NEXMIF: variants seen among roughly 807,000 people sequenced by gnomAD.
The protein encoded by NEXMIF is XLMR protein related to neurite extension.
Under a neutral mutation model 62.1 loss-of-function variants are expected in NEXMIF, and 8 were observed. That is an observed-to-expected ratio of 0.13 (90% CI 0.08 to 0.23). The LOEUF is 0.23. NEXMIF is among the 10% of genes least tolerant of loss of function. The pLI, the probability that NEXMIF is intolerant of heterozygous loss-of-function variation, is 1.00. For missense variants in NEXMIF, 976 were observed against 1,113.3 expected, an observed-to-expected ratio of 0.88 and a Z score of 1.75; for synonymous variants, 404 against 416.6, an observed-to-expected ratio of 0.97 and a Z score of 0.37.
intron 1 of NEXMIF, among the ~76,000 whole-genome samples, chrX:74,818,498 A>G (rs1211690339): frequency 8.9e-6 from 1 of 112,082 alleles, no homozygotes; most frequent in Non-Finnish European, 1.9e-5. Context: ...ACTTAAATGT[A>G]AATCCTAAAA....
chrX:74,872,241 G>A (rs2080604411), intron 1 of NEXMIF, among the ~76,000 whole-genome samples: 1 of 111,159 alleles, frequency 9.0e-6, no homozygotes, highest in Admixed American at 9.7e-5. Context: ...GTGCTACTGG[G>A]CCATAAAAAG....
At chrX:74,895,034 T>C (rs2080728695) in intron 1 of NEXMIF, among the ~76,000 whole-genome samples, 1 of 112,425 alleles carries the variant, frequency 8.9e-6, no homozygotes, top group Admixed American at 9.4e-5. Context: ...AGAAGTCAAA[T>C]TATCCTTGTT....
At chrX:74,902,514 C>A (rs1030673562) in intron 1 of NEXMIF, among the ~76,000 whole-genome samples, 2 of 110,835 alleles carry the variant, frequency 1.8e-5, no homozygotes, top group Non-Finnish European at 3.8e-5. Context: ...GGGGAGGGTA[C>A]AAAAAGACTG....
chrX:74,744,450 T>C lies in NEXMIF; in HGVS notation c.107A>G (p.Lys36Arg), dbSNP rs1029431431. 1 of 1,201,410 alleles carries C rather than the reference T, an allele frequency of 8.3e-7. No individual in the cohort carries two copies. Residue 36 changes from lysine (K) to arginine (R), a missense_variant, in exon 3 of 4, where the codon AAG (lysine) becomes AGG (arginine). Transcript: ENST00000055682. The stretch of plus-strand genomic sequence containing the variant: ...AGCAGCTTCTAGAGCTGCAAATGAC[T>C]TCATTGCCACATCCTGGTCCTCTGA... ...NDSEDQDVAM[K>R]SFAALEAAAP...
At chrX:74,884,866 C>A (rs917574032) in intron 1 of NEXMIF, among the ~76,000 whole-genome samples, 4 of 111,735 alleles carry the variant, frequency 3.6e-5, no homozygotes, top group Non-Finnish European at 5.6e-5. Flanking sequence ...CCACACCACA[C>A]CTATTCCAAA....
intron 1 of NEXMIF, among the ~76,000 whole-genome samples, chrX:74,900,716 T>C (rs1369394693): frequency 1.8e-5 from 2 of 111,594 alleles, no homozygotes; most frequent in African/African-American, 3.3e-5. Context: ...TGTACACCCA[T>C]TGTCATTCAC....
At position 74,751,494 on chromosome X, in the gene NEXMIF, T is replaced by C. The variant is rs760191255; in HGVS notation, c.-47-5797A>G. Reference sequence around the variant, plus strand: ...CTTTCTTCTCTCTGTCTCTCTCTCTTTTTTTTTTTTTGAAACAGAGTCTGG... The same window carrying C: ...CTTTCTTCTCTCTGTCTCTCTCTCTCTTTTTTTTTTTGAAACAGAGTCTGG... On this transcript the variant is annotated intron_variant, in intron 1 of 3. Coordinates refer to ENST00000055682, the MANE Select transcript of NEXMIF (RefSeq NM_001008537.3). Among the ~76,000 whole-genome samples the C allele has an allele frequency of 3.6e-3, 375 of 103,145 alleles. 2 individuals are homozygous for C. Among genetic ancestry groups the C allele is most frequent in the African/African-American group, 0.012 (358 of 29,145 alleles). The allele number at this position is 103,145 out of a possible 115,157, so 89.6% of individuals were successfully genotyped here. A position where few individuals can be genotyped will look rare whatever the true frequency, so the allele number is the denominator to read the frequency against.
chrX:74,876,084 G>A (rs1024984990), intron 1 of NEXMIF, among the ~76,000 whole-genome samples: 1 of 110,998 alleles, frequency 9.0e-6, no homozygotes, highest in African/African-American at 3.3e-5. Flanking sequence ...TGTGATGTTA[G>A]GGTGTCAATT....
intron 1 of NEXMIF, among the ~76,000 whole-genome samples, chrX:74,808,353 A>C (rs1169939832): frequency 9.0e-6 from 1 of 111,642 alleles, no homozygotes; most frequent in Non-Finnish European, 1.9e-5. Context: ...GCAGTGAGCC[A>C]AGATTGCACC....
chrX:74,738,712 A>G lies in NEXMIF; in HGVS notation c.*693T>C, dbSNP rs1482214312. On this transcript the variant is annotated 3_prime_UTR_variant, in exon 4 of 4. Coordinates refer to ENST00000055682, the MANE Select transcript of NEXMIF (RefSeq NM_001008537.3). Reference sequence around the variant, plus strand: ...TGGACTTAGCTGTTGTGGCCTTCAGACTTTTCCAAAATTTTAACCCTTACA... The same window carrying G: ...TGGACTTAGCTGTTGTGGCCTTCAGGCTTTTCCAAAATTTTAACCCTTACA... 2 of 110,788 alleles carry G rather than the reference A, an allele frequency of 1.8e-5. No individual in the cohort carries two copies. The highest frequency in any genetic ancestry group is 5.7e-4 in the East Asian group (2 of 3,513). The allele number at this position is 110,788 out of a possible 1,213,427, so 9.1% of individuals were successfully genotyped here.
chrX:74,845,798 A>T (rs1316698093), intron 1 of NEXMIF, among the ~76,000 whole-genome samples: 2 of 107,118 alleles, frequency 1.9e-5, no homozygotes, highest in Non-Finnish European at 3.9e-5. Flanking sequence ...CAAGAGAATT[A>T]AAAAAAAAAC....
intron 1 of NEXMIF, among the ~76,000 whole-genome samples, chrX:74,853,872 G>A (rs2080524632): frequency 9.0e-6 from 1 of 111,731 alleles, no homozygotes; most frequent in Admixed American, 9.5e-5. Context: ...AACTTACCAA[G>A]ATTGAATCAG....
intron 2 of NEXMIF, among the ~76,000 whole-genome samples, chrX:74,744,770 T>A (rs1013005083): frequency 1.8e-5 from 2 of 111,607 alleles, no homozygotes; most frequent in African/African-American, 6.5e-5. Context: ...AATTGGAAAG[T>A]CAAGGCTTTC....
intron 1 of NEXMIF, among the ~76,000 whole-genome samples, chrX:74,860,039 T>G (rs1413215724): frequency 9.0e-6 from 1 of 111,353 alleles, no homozygotes; most frequent in Non-Finnish European, 1.9e-5. Context: ...TTCCTACTTA[T>G]TGATAATAAC....
intron 1 of NEXMIF, among the ~76,000 whole-genome samples, chrX:74,776,360 G>A (rs1055678500): frequency 9.0e-6 from 1 of 111,704 alleles, no homozygotes; most frequent in Non-Finnish European, 1.9e-5. Flanking sequence ...GGGAAATATA[G>A]GGATGAAGAT....
intron 1 of NEXMIF, among the ~76,000 whole-genome samples, chrX:74,912,300 C>A (rs1434149654): frequency 9.0e-6 from 1 of 111,164 alleles, no homozygotes; most frequent in African/African-American, 3.3e-5. Flanking sequence ...TAAATGAATA[C>A]CCTTTTCACA....
chrX:74,854,829 A>T (rs2080528885), intron 1 of NEXMIF, among the ~76,000 whole-genome samples: 1 of 111,987 alleles, frequency 8.9e-6, no homozygotes, highest in Admixed American at 9.5e-5. Flanking sequence ...AGAGTTACAA[A>T]AATAAAATAC....
intron 1 of NEXMIF, among the ~76,000 whole-genome samples, chrX:74,795,942 A>G (rs2080305056): frequency 9.6e-6 from 1 of 103,804 alleles, no homozygotes; most frequent in Non-Finnish European, 1.9e-5. Flanking sequence ...ACTGGTTTGA[A>G]TGTACTGGGT....
chrX:74,916,292 T>C (rs1387837350), intron 1 of NEXMIF, among the ~76,000 whole-genome samples: 2 of 111,881 alleles, frequency 1.8e-5, no homozygotes, highest in Non-Finnish European at 3.8e-5. Flanking sequence ...ATTTTTGCCA[T>C]AGGGGCTGGA....
Sources: gnomAD v4.1 joint callset for allele counts (sites outside exome capture counted in the v4.1 genomes callset) on GRCh38, gnomAD v4.1.1 for gene constraint, MANE v1.5 for transcripts, NCBI Gene and HGNC (gene_info 2026-07-23, HGNC 2026-07-21) for gene names.